Variants in HCN1 observed in about 807,000 individuals in gnomAD.
HCN1 encodes the protein hyperpolarization activated cyclic nucleotide gated potassium channel 1.
In HCN1, 13 loss-of-function variants were observed where a neutral mutation model predicts 78.9. The ratio of observed to expected loss-of-function variants is 0.16; its 90% confidence interval spans 0.11 to 0.26. The LOEUF (loss-of-function observed/expected upper bound fraction) is 0.26, where lower values mean the gene tolerates loss of function less well. HCN1 is among the 10% of genes least tolerant of loss of function. HCN1 has a pLI of 1.00. For synonymous variants in HCN1, 552 were observed against 455.5 expected, an observed-to-expected ratio of 1.21 and a Z score of -2.70; for missense variants, 810 against 1,154.3, an observed-to-expected ratio of 0.70 and a Z score of 4.32.
chr5:45,380,434 G>A (rs550513369), intron 4 of HCN1, among the ~76,000 whole-genome samples: 12 of 152,130 alleles, frequency 7.9e-5, no homozygotes, highest in African/African-American at 2.9e-4. Context: ...TATATTCTAT[G>A]GATATCCAGC....
intron 2 of HCN1, among the ~76,000 whole-genome samples, chr5:45,626,394 T>C (rs1370910808): frequency 6.6e-6 from 1 of 152,190 alleles, no homozygotes; most frequent in Non-Finnish European, 1.5e-5. Context: ...GTGCTCACCA[T>C]GTGGCAGGTA....
At chr5:45,412,338 C>G (rs1242335512) in intron 3 of HCN1, among the ~76,000 whole-genome samples, 1 of 152,002 alleles carries the variant, frequency 6.6e-6, no homozygotes, top group African/African-American at 2.4e-5. Context: ...CTACCCCAGG[C>G]TGGCCTAGAA....
chr5:45,391,318 T>C (rs1228355108), intron 4 of HCN1, among the ~76,000 whole-genome samples: 1 of 152,160 alleles, frequency 6.6e-6, no homozygotes, highest in Non-Finnish European at 1.5e-5. Context: ...TCAAGATCAT[T>C]ATAACTTCAA....
At chr5:45,317,156 A>C (rs566886837) in intron 5 of HCN1, among the ~76,000 whole-genome samples, 2 of 152,296 alleles carry the variant, frequency 1.3e-5, no homozygotes, top group East Asian at 3.9e-4. Flanking sequence ...ACGTTACCTG[A>C]CTTCAAACTA....
chr5:45,570,694 A>G (rs910650758), intron 2 of HCN1, among the ~76,000 whole-genome samples: 3 of 152,184 alleles, frequency 2.0e-5, no homozygotes, highest in Non-Finnish European at 4.4e-5. Context: ...AAAAGTAAAC[A>G]AAACACACCT....
intron 6 of HCN1, among the ~76,000 whole-genome samples, chr5:45,296,495 TTAGA>T (rs1213913366): frequency 3.9e-5 from 6 of 152,036 alleles, no homozygotes; most frequent in African/African-American, 7.2e-5. Context: ...CTACATAGTA[TTAGA>T]TAAATATATT....
chr5:45,290,840 A>G (rs1293457475), intron 6 of HCN1, among the ~76,000 whole-genome samples: 1 of 152,030 alleles, frequency 6.6e-6, no homozygotes, highest in East Asian at 1.9e-4. Context: ...TGAAGAAACA[A>G]AAGAGATGAT....
rs1477597995 is a variant in HCN1 at position 45,261,600 on chromosome 5, A to G, written c.*321T>C. ...AGAACTCTTCATAAAATAGAGAAATATACATATCAAAGGACTTAAGTAAAA... is the reference window on the plus strand; with the variant it reads ...AGAACTCTTCATAAAATAGAGAAATGTACATATCAAAGGACTTAAGTAAAA... On this transcript the variant is annotated 3_prime_UTR_variant, in exon 8 of 8. Transcript: ENST00000303230. The G allele has an allele frequency of 5.1e-6, 1 of 195,046 alleles. No homozygotes were observed. The highest frequency in any genetic ancestry group is 1.1e-5 in the Non-Finnish European group (1 of 93,630). The allele number at this position is 195,046 out of a possible 1,614,324, so 12.1% of individuals were successfully genotyped here.
At chr5:45,499,474 C>T (rs571377803) in intron 2 of HCN1, among the ~76,000 whole-genome samples, 1 of 152,296 alleles carries the variant, frequency 6.6e-6, no homozygotes, top group African/African-American at 2.4e-5. Context: ...ACCCACTGAC[C>T]TGCGCCCACT....
At chr5:45,402,511 T>A (rs1739836406) in intron 3 of HCN1, among the ~76,000 whole-genome samples, 1 of 152,054 alleles carries the variant, frequency 6.6e-6, no homozygotes, top group Non-Finnish European at 1.5e-5. Context: ...AGGTCCAAAA[T>A]ATTAGCTGTG....
chr5:45,255,162 G>A lies in HCN1; in HGVS notation c.*6759C>T, dbSNP rs1427647847. On this transcript the variant is annotated 3_prime_UTR_variant, in exon 8 of 8. Transcript: ENST00000303230. Reference sequence around the variant, plus strand: ...ACTAGCAAGTGCCAGGAGGCAGGCTGGGTTAGACAGCGTGACCAAGAGTAA... The same window carrying A: ...ACTAGCAAGTGCCAGGAGGCAGGCTAGGTTAGACAGCGTGACCAAGAGTAA... 1 of 152,172 alleles carries A rather than the reference G, an allele frequency of 6.6e-6. No homozygotes were observed. Among genetic ancestry groups the A allele is most frequent in the Non-Finnish European group, 1.5e-5 (1 of 68,042 alleles). 9.4% of individuals were successfully genotyped at this position (152,172 alleles called of 1,614,324 possible).
intron 7 of HCN1, among the ~76,000 whole-genome samples, chr5:45,266,745 C>G (rs984873618): frequency 2.0e-5 from 3 of 149,856 alleles, no homozygotes; most frequent in African/African-American, 7.4e-5. Context: ...GTTTCACTCT[C>G]TCTCCCAGAC....
intron 1 of HCN1, among the ~76,000 whole-genome samples, chr5:45,667,480 C>A (rs1746071513): frequency 6.6e-6 from 1 of 151,900 alleles, no homozygotes; most frequent in Non-Finnish European, 1.5e-5. Context: ...CCAAGAAGTT[C>A]CAAGAAAAGT....
chr5:45,419,726 C>A (rs1274062158), intron 3 of HCN1, among the ~76,000 whole-genome samples: 4 of 152,126 alleles, frequency 2.6e-5, no homozygotes, highest in Non-Finnish European at 5.9e-5. Flanking sequence ...AGACAGTGAG[C>A]TGGCTGTGTT....
At chr5:45,414,895 A>G (rs1333046980) in intron 3 of HCN1, among the ~76,000 whole-genome samples, 1 of 152,004 alleles carries the variant, frequency 6.6e-6, no homozygotes, top group Non-Finnish European at 1.5e-5. Flanking sequence ...GGCATCCTTA[A>G]TAACTATGCT....
intron 1 of HCN1, among the ~76,000 whole-genome samples, chr5:45,660,046 G>C (rs1561235868): frequency 1.0e-5 from 1 of 97,044 alleles, no homozygotes; most frequent in Non-Finnish European, 2.1e-5. Context: ...GTTAAGGGCA[G>C]CAGAGAGAAA....
chr5:45,436,824 G>T (rs1221666801), intron 3 of HCN1, among the ~76,000 whole-genome samples: 1 of 152,036 alleles, frequency 6.6e-6, no homozygotes, highest in Non-Finnish European at 1.5e-5. Flanking sequence ...CTTTTTGTTG[G>T]AATAAAGAAT....
intron 2 of HCN1, among the ~76,000 whole-genome samples, chr5:45,515,981 A>G (rs950695181): frequency 6.6e-6 from 1 of 151,994 alleles, no homozygotes; most frequent in African/African-American, 2.4e-5. Context: ...TGATATGTAT[A>G]CATGCATGTC....
At chr5:45,416,407 A>G (rs936683474) in intron 3 of HCN1, among the ~76,000 whole-genome samples, 3 of 151,956 alleles carry the variant, frequency 2.0e-5, no homozygotes, top group African/African-American at 4.8e-5. Flanking sequence ...TTCTTCACAT[A>G]TTTTTCTGAG....
Sources: allele counts gnomAD v4.1 joint callset (sites outside exome capture counted in the v4.1 genomes callset), GRCh38; gene constraint gnomAD v4.1.1; transcripts MANE v1.5; gene names NCBI Gene and HGNC (gene_info 2026-07-23, HGNC 2026-07-21).